Variants in SUSD4 observed in about 807,000 individuals in gnomAD.
SUSD4 encodes sushi domain containing 4.
A neutral mutation model predicts 50.5 loss-of-function variants in SUSD4; 41 were observed. The ratio of observed to expected loss-of-function variants is 0.81; its 90% confidence interval spans 0.63 to 1.05. SUSD4 has a LOEUF of 1.05. SUSD4 is among the 50% of genes least tolerant of loss of function. The probability of loss-of-function intolerance (pLI) is 0.00; values close to 1 mark genes in which losing one functional copy is unlikely to be tolerated. For missense variants in SUSD4, 580 were observed against 634.7 expected (o/e 0.91, Z 0.93); for synonymous variants, 257 against 257.3 (o/e 1.00, Z 0.01).
chr1:223,355,733 C>T (rs766565827), intron 2 of SUSD4, among the ~76,000 whole-genome samples: 1 of 152,174 alleles, frequency 6.6e-6, no homozygotes, highest in Non-Finnish European at 1.5e-5. Context: ...AAATTTCAAA[C>T]AGAAACATGA....
chr1:223,301,531 G>A (rs1380151424), intron 2 of SUSD4, among the ~76,000 whole-genome samples: 1 of 152,166 alleles, frequency 6.6e-6, no homozygotes, highest in Non-Finnish European at 1.5e-5. Flanking sequence ...TAAACTTGAA[G>A]AAGTCCCTTC....
chr1:223,260,304 A>G (rs188911216), intron 5 of SUSD4, among the ~76,000 whole-genome samples: 48 of 152,356 alleles, frequency 3.2e-4, no homozygotes, highest in Admixed American at 1.7e-3. Flanking sequence ...CCAGTGCCCA[A>G]TTCGGTGTTG....
At chr1:223,307,611 C>T (rs563825564) in intron 2 of SUSD4, among the ~76,000 whole-genome samples, 4 of 152,052 alleles carry the variant, frequency 2.6e-5, no homozygotes, top group South Asian at 4.2e-4. Context: ...GGGACTTTTG[C>T]GGGGGGATTG....
intron 3 of SUSD4, among the ~76,000 whole-genome samples, chr1:223,270,897 C>T (rs901645211): frequency 1.3e-5 from 2 of 152,184 alleles, no homozygotes; most frequent in East Asian, 1.9e-4. Flanking sequence ...GTTTAACAAA[C>T]AGTTTTCCTG....
Position 223,229,106 on chromosome 1 carries a change from G to A in SUSD4, c.916+91C>T, listed in dbSNP as rs142716789. 316 of 1,295,952 alleles carry A rather than the reference G, an allele frequency of 2.4e-4. No individual in the cohort carries two copies. In the African/African-American group the frequency reaches 4.3e-3, roughly 17 times the overall value. The allele number at this position is 1,295,952 out of a possible 1,614,324, so 80.3% of individuals were successfully genotyped here. On this transcript the variant is annotated intron_variant, in intron 6 of 8. Transcript: ENST00000366878. The surrounding 1 kb of genome is among the most constrained non-coding windows in gnomAD (Gnocchi z 4.7). ...GTTCCTGACACTGGGTGGGGGAGGA[G>A]AGATACAGCTTGGTACATAACCACC...
chr1:223,282,984 T>C (rs1384247820), intron 3 of SUSD4, among the ~76,000 whole-genome samples: 2 of 152,190 alleles, frequency 1.3e-5, no homozygotes, highest in Non-Finnish European at 2.9e-5. Flanking sequence ...AAACTAGCAA[T>C]GGGGAAAGCA....
intron 6 of SUSD4, among the ~76,000 whole-genome samples, chr1:223,228,048 TG>T (rs1315148889): frequency 1.3e-5 from 2 of 152,118 alleles, no homozygotes; most frequent in Admixed American, 1.3e-4. Flanking sequence ...AGAACAGAGG[TG>T]GGCATCTCTC....
At chr1:223,269,841 T>C (rs889081126) in intron 3 of SUSD4, among the ~76,000 whole-genome samples, 6 of 152,248 alleles carry the variant, frequency 3.9e-5, no homozygotes, top group African/African-American at 1.4e-4. Flanking sequence ...GCCAGAATAG[T>C]ACTAACAGGA....
At chr1:223,283,158 G>A (rs1663872950) in intron 3 of SUSD4, among the ~76,000 whole-genome samples, 1 of 152,126 alleles carries the variant, frequency 6.6e-6, no homozygotes, top group Non-Finnish European at 1.5e-5. Context: ...TACCATTCAG[G>A]ACATAGGCAA....
chr1:223,348,685 T>C (rs1668179769), intron 2 of SUSD4, among the ~76,000 whole-genome samples: 1 of 152,170 alleles, frequency 6.6e-6, no homozygotes. Context: ...CTACCAACCC[T>C]AGCCTAAAGG....
intron 3 of SUSD4, among the ~76,000 whole-genome samples, chr1:223,284,502 C>T (rs1663998676): frequency 6.6e-6 from 1 of 152,166 alleles, no homozygotes; most frequent in Non-Finnish European, 1.5e-5. Context: ...GGCTGTAGAA[C>T]CTACTTTGTA....
At chr1:223,327,192 G>A (rs1163652749) in intron 2 of SUSD4, among the ~76,000 whole-genome samples, 1 of 152,198 alleles carries the variant, frequency 6.6e-6, no homozygotes, top group African/African-American at 2.4e-5. Flanking sequence ...AACTTGGATG[G>A]AGCTGGAGGC....
chr1:223,234,223 A>G (rs1213225662), intron 5 of SUSD4, among the ~76,000 whole-genome samples: 1 of 152,206 alleles, frequency 6.6e-6, no homozygotes, highest in African/African-American at 2.4e-5. Context: ...TGGGGCTGCT[A>G]TAAGACTGCA....
rs1036180291 is a variant in SUSD4 at position 223,332,434 on chromosome 1, C to T, written c.148+30844G>A. On this transcript the variant is annotated intron_variant, in intron 2 of 8. Coordinates refer to ENST00000366878, the MANE Select transcript of SUSD4 (RefSeq NM_017982.4). This position sits in a 1 kb window ranked among gnomAD's most constrained non-coding sequence, Gnocchi z 4.0. ...GTCTCTTACAAAAATTGGATATTTACTGCTGCTAGTATCTGTAACAATTTT... is the reference window on the plus strand; with the variant it reads ...GTCTCTTACAAAAATTGGATATTTATTGCTGCTAGTATCTGTAACAATTTT... Among the ~76,000 whole-genome samples the T allele has an allele frequency of 1.3e-5, 2 of 152,190 alleles. No homozygotes were observed. The highest frequency in any genetic ancestry group is 4.8e-5 in the African/African-American group (2 of 41,448).
chr1:223,275,442 C>T (rs1423302761), intron 3 of SUSD4, among the ~76,000 whole-genome samples: 1 of 152,140 alleles, frequency 6.6e-6, no homozygotes, highest in African/African-American at 2.4e-5. Flanking sequence ...AAGGAAGTGA[C>T]AGAAAGCACT....
Position 223,227,738 on chromosome 1 carries a change from T to G in SUSD4, c.917A>C (p.Glu306Ala), listed in dbSNP as rs1558162675. Residue 306 changes from glutamate (E) to alanine (A), a missense_variant and splice_region_variant, in exon 7 of 9, where the codon GAG becomes GCG. By Grantham distance (107) the Glu-to-Ala change is moderately radical. Coordinates refer to ENST00000366878, the MANE Select transcript of SUSD4 (RefSeq NM_017982.4). This position sits in a 1 kb window ranked among gnomAD's most constrained non-coding sequence, Gnocchi z 4.5. Reference protein sequence around the residue: ...PSYQVYCIKSEQTWPSTHETL... With the variant: ...PSYQVYCIKSAQTWPSTHETL... ...CTCATGGGTGCTGGGCCACGTTTGC[T>G]CTGCATGAGGGAGAACAAAGCTGTA... 6.2e-7 allele frequency: 1 copy of G among 1,610,542 alleles called. No homozygotes were observed. The highest frequency in any genetic ancestry group is 8.5e-7 in the Non-Finnish European group (1 of 1,178,342).
intron 7 of SUSD4, among the ~76,000 whole-genome samples, chr1:223,225,027 C>A (rs1483431811): frequency 5.3e-5 from 8 of 151,742 alleles, no homozygotes; most frequent in African/African-American, 1.9e-4. Flanking sequence ...GCACCACCAC[C>A]CCCAGCTAAT....
chr1:223,343,439 T>C (rs1194019715), intron 2 of SUSD4, among the ~76,000 whole-genome samples: 1 of 152,232 alleles, frequency 6.6e-6, no homozygotes, highest in Non-Finnish European at 1.5e-5. Flanking sequence ...GACCAGTGCA[T>C]GTGCAGCACG....
chr1:223,328,028 A>C (rs371949052), intron 2 of SUSD4, among the ~76,000 whole-genome samples: 196 of 152,212 alleles, frequency 1.3e-3, no homozygotes, highest in African/African-American at 4.3e-3. Flanking sequence ...CTTTTCTTCC[A>C]TACTCAAGAG....
Sources: gnomAD v4.1 joint callset for allele counts (sites outside exome capture counted in the v4.1 genomes callset) on GRCh38, gnomAD v4.1.1 for gene constraint, Gnocchi (gnomAD v3.1) non-coding constraint, MANE v1.5 for transcripts, NCBI Gene and HGNC (gene_info 2026-07-23, HGNC 2026-07-21) for gene names.